The following GDF11 variants were observed in gnomAD, a reference collection of about 807,000 sequenced individuals.
GDF11 encodes growth/differentiation factor 11.
GDF11 carries 12 observed loss-of-function variants against 34.4 expected under a neutral mutation model. The observed-to-expected ratio is 0.35, with a 90% CI of 0.22 to 0.57. The LOEUF (loss-of-function observed/expected upper bound fraction) is 0.57, where lower values mean the gene tolerates loss of function less well. Among genes scored for constraint, GDF11 ranks in the 20% least tolerant of loss-of-function variants. The pLI, the probability that GDF11 is intolerant of heterozygous loss-of-function variation, is 0.86. For missense variants in GDF11, 346 were observed against 548.2 expected (o/e 0.63, Z 3.68); for synonymous variants, 212 against 231.1 (o/e 0.92, Z 0.75).
rs766734850 is a variant in GDF11, at chr12:55,753,134, GACA to G, written c.*3257_*3259del. The G allele has an allele frequency of 4.6e-5, 7 of 152,176 alleles. No homozygotes were observed. Among genetic ancestry groups the G allele is most frequent in the South Asian group, 2.1e-4 (1 of 4,826 alleles). The allele number at this position is 152,176 out of a possible 1,614,324, so 9.4% of individuals were successfully genotyped here. On this transcript the variant is annotated 3_prime_UTR_variant, in exon 3 of 3. Coordinates refer to ENST00000257868, the MANE Select transcript of GDF11 (RefSeq NM_005811.5). ...AAGCTTGAGCCAAAACAGTCCCAAA[GACA>G]ACAAGACCCCTCTCCCAGCCTCCAC... is the stretch of plus-strand genomic sequence containing the variant.
In GDF11 at chr12:55,753,785, A is replaced by C. The variant is rs901065572; in HGVS notation, c.*3903A>C. The C allele has an allele frequency of 6.6e-6, 1 of 151,114 alleles. No individual in the cohort carries two copies. Among genetic ancestry groups the C allele is most frequent in the African/African-American group, 2.4e-5 (1 of 41,034 alleles). The allele number at this position is 151,114 out of a possible 1,614,324, so 9.4% of individuals were successfully genotyped here. ...CTCCCATCTCCAAAAAAAAAAAAAA[A>C]AAAAAAAAAAGGAAAGCAGGACCCA... On this transcript the variant is annotated 3_prime_UTR_variant, in exon 3 of 3. Coordinates refer to ENST00000257868, the MANE Select transcript of GDF11 (RefSeq NM_005811.5).
At position 55,753,825 on chromosome 12, in the gene GDF11, T is replaced by C. The variant is rs1878417520; in HGVS notation, c.*3943T>C. 2 of 149,608 alleles carry C rather than the reference T, an allele frequency of 1.3e-5. No homozygotes were observed. The highest frequency in any genetic ancestry group is 3.0e-5 in the Non-Finnish European group (2 of 67,786). The allele number at this position is 149,608 out of a possible 1,614,324, so 9.3% of individuals were successfully genotyped here. On this transcript the variant is annotated 3_prime_UTR_variant, in exon 3 of 3. Transcript: ENST00000257868. ...AGCAGGACCCAGTGGTGTGCTCCTG[T>C]AGTTCCAGCTATTCAGGAGGCTGTG...
rs532326811 is a variant in GDF11, at chr12:55,743,448, G to T, written c.132G>T (p.Gly44=). 15 of 1,254,386 alleles carry T rather than the reference G, an allele frequency of 1.2e-5. No homozygotes were observed. Among genetic ancestry groups the T allele is most frequent in the African/African-American group, 1.6e-5 (1 of 64,202 alleles). The allele number at this position is 1,254,386 out of a possible 1,614,324, so 77.7% of individuals were successfully genotyped here. Residue 44 remains glycine, a synonymous_variant, in exon 1 of 3, where the codon GGG becomes GGT. Coordinates refer to ENST00000257868, the MANE Select transcript of GDF11 (RefSeq NM_005811.5). The part of the protein sequence containing the change: ...AAAAAAAAGV[G]GERSSRPAPS... ...CGGCGGCGGCAGCGGCGGGGGTCGG[G>T]GGGGAGCGCTCCAGCCGGCCAGCCC...
At position 55,751,892 on chromosome 12, in the gene GDF11, C is replaced by T. The variant is rs1378701537; in HGVS notation, c.*2010C>T. 1 of 152,280 alleles carries T rather than the reference C, an allele frequency of 6.6e-6. No homozygotes were observed. The highest frequency in any genetic ancestry group is 6.5e-5 in the Admixed American group (1 of 15,294). The allele number at this position is 152,280 out of a possible 1,614,324, so 9.4% of individuals were successfully genotyped here. A position where few individuals can be genotyped will look rare whatever the true frequency, so the allele number is the denominator to read the frequency against. On this transcript the variant is annotated 3_prime_UTR_variant, in exon 3 of 3. Transcript: ENST00000257868. ...ATTCTTCCCAAGAGCATGACTCTCC[C>T]CCTTGGCCAGTTGGTGGAAGGGGCA...
At position 55,750,812 on chromosome 12, in the gene GDF11, G is replaced by A. The variant is rs1224104305; in HGVS notation, c.*930G>A. 1 of 152,126 alleles carries A rather than the reference G, an allele frequency of 6.6e-6. No individual in the cohort carries two copies. Among genetic ancestry groups the A allele is most frequent in the Non-Finnish European group, 1.5e-5 (1 of 68,038 alleles). The allele number at this position is 152,126 out of a possible 1,614,324, so 9.4% of individuals were successfully genotyped here. A position where few individuals can be genotyped will look rare whatever the true frequency, so the allele number is the denominator to read the frequency against. ...AACATCCAGGATCTATATAATGAGA[G>A]CTACTTTAAACCCTCAGGTCCACCC... On this transcript the variant is annotated 3_prime_UTR_variant, in exon 3 of 3. Transcript: ENST00000257868.
In GDF11 at chr12:55,753,770, C is replaced by CAAAAAAAAA. The variant is rs35350773; in HGVS notation, c.*3905_*3913dup. On this transcript the variant is annotated 3_prime_UTR_variant, in exon 3 of 3. Transcript: ENST00000257868. ...GGTGACAGAGTGAGACTCCCATCTC[C>CAAAAAAAAA]AAAAAAAAAAAAAAAAAAAAAAAAA... The CAAAAAAAAA allele has an allele frequency of 3.9e-5, 2 of 51,098 alleles. No individual in the cohort carries two copies. The highest frequency in any genetic ancestry group is 8.6e-5 in the African/African-American group (1 of 11,660). 3.2% of individuals were successfully genotyped at this position (51,098 alleles called of 1,614,324 possible). A position where few individuals can be genotyped will look rare whatever the true frequency, so the allele number is the denominator to read the frequency against.
In GDF11 at chr12:55,748,819, G is replaced by C; in HGVS notation, c.679G>C (p.Glu227Gln). ...RHIRIRSLKI[E>Q]LHSRSGHWQS... is the part of the protein sequence containing the mutation. The stretch of plus-strand genomic sequence containing the variant: ...CATCCGTATCCGCTCACTGAAGATT[G>C]AGCTGCACTCACGCTCAGGCCATTG... The change falls in exon 2 of 3, where the codon GAG (glutamate) becomes CAG (glutamine). Residue 227 changes from glutamate to glutamine, a missense_variant. Coordinates refer to ENST00000257868, the MANE Select transcript of GDF11 (RefSeq NM_005811.5). The surrounding 1 kb of genome is among the most constrained non-coding windows in gnomAD (Gnocchi z 5.6). 3 of 1,614,122 alleles carry C rather than the reference G, an allele frequency of 1.9e-6. No homozygotes were observed. The highest frequency in any genetic ancestry group is 2.5e-6 in the Non-Finnish European group (3 of 1,180,042).
chr12:55,746,428 A>G (rs1023593061), intron 1 of GDF11, among the ~76,000 whole-genome samples: 11 of 152,078 alleles, frequency 7.2e-5, no homozygotes, highest in Admixed American at 1.3e-4. Context: ...TTCTCTCCCT[A>G]TATCTACTAA....
At position 55,757,263 on chromosome 12, in the gene GDF11, C is replaced by CTT; in HGVS notation, c.*7381_*7382insTT. 2.8e-6 allele frequency: 1 copy of CTT among 351,528 alleles called. No homozygotes were observed. The highest frequency in any genetic ancestry group is 4.9e-5 in the East Asian group (1 of 20,312). The allele number at this position is 351,528 out of a possible 1,614,324, so 21.8% of individuals were successfully genotyped here. On this transcript the variant is annotated 3_prime_UTR_variant, in exon 3 of 3. Coordinates refer to ENST00000257868, the MANE Select transcript of GDF11 (RefSeq NM_005811.5). ...TAAATCAAAGGAGCACCTAATAAAACACATTGTTCTCTTTTCTATTTTTTT... is the reference window on the plus strand; with the variant it reads ...TAAATCAAAGGAGCACCTAATAAAACTTACATTGTTCTCTTTTCTATTTTTTT...
In GDF11 at chr12:55,748,956, C is replaced by G; in HGVS notation, c.816C>G (p.Thr272=). 1.2e-6 allele frequency: 2 copies of G among 1,600,318 alleles called. No individual in the cohort carries two copies. The highest frequency in any genetic ancestry group is 1.7e-6 in the Non-Finnish European group (2 of 1,179,534). ...FDPSGTDLAV[T]SLGPGAEGLH... Reference sequence around the variant, plus strand: ...CCAGTGGCACAGACCTGGCTGTCACCTCCCTGGGGCCGGGAGCCGAGGGGC... The same window carrying G: ...CCAGTGGCACAGACCTGGCTGTCACGTCCCTGGGGCCGGGAGCCGAGGGGC... Residue 272 remains threonine, a synonymous_variant, in exon 2 of 3, where the codon ACC becomes ACG. Transcript: ENST00000257868. The surrounding 1 kb of genome is among the most constrained non-coding windows in gnomAD (Gnocchi z 5.6).
At position 55,750,371 on chromosome 12, in the gene GDF11, A is replaced by T. The variant is rs1469531169; in HGVS notation, c.*489A>T. 6.5e-6 allele frequency: 1 copy of T among 153,670 alleles called. No individual in the cohort carries two copies. Among genetic ancestry groups the T allele is most frequent in the East Asian group, 1.9e-4 (1 of 5,234 alleles). The allele number at this position is 153,670 out of a possible 1,614,324, so 9.5% of individuals were successfully genotyped here. A position where few individuals can be genotyped will look rare whatever the true frequency, so the allele number is the denominator to read the frequency against. ...TATTCAGTAGGAGAAGAAATCAAAA[A>T]TCCATTCTTTTCTCCTTCTCTCCCT... On this transcript the variant is annotated 3_prime_UTR_variant, in exon 3 of 3. Transcript: ENST00000257868.
At position 55,743,632 on chromosome 12, in the gene GDF11, A is replaced by G; in HGVS notation, c.316A>G (p.Lys106Glu). 1.9e-6 allele frequency: 3 copies of G among 1,604,670 alleles called. No individual in the cohort carries two copies. Among genetic ancestry groups the G allele is most frequent in the Non-Finnish European group, 2.5e-6 (3 of 1,179,710 alleles). ...SREVVKQLLP[K>E]APPLQQILDL... ...CGAGGTGGTGAAGCAGCTGCTGCCC[A>G]AGGCGCCGCCGCTGCAGCAGATCCT... The change falls in exon 1 of 3, where the codon AAG (lysine) becomes GAG (glutamate). Residue 106 changes from lysine (K) to glutamate (E), a missense_variant. Coordinates refer to ENST00000257868, the MANE Select transcript of GDF11 (RefSeq NM_005811.5).
rs1013454836 is a variant in GDF11 at position 55,755,836 on chromosome 12, T to C, written c.*5954T>C. ...CAAATTGGAAAACACTGTTCAAAGATCTAGGGGAAGTAAGATGAGTGAGGA... is the reference window on the plus strand; with the variant it reads ...CAAATTGGAAAACACTGTTCAAAGACCTAGGGGAAGTAAGATGAGTGAGGA... On this transcript the variant is annotated 3_prime_UTR_variant, in exon 3 of 3. Coordinates refer to ENST00000257868, the MANE Select transcript of GDF11 (RefSeq NM_005811.5). 6.6e-6 allele frequency: 1 copy of C among 151,168 alleles called. No homozygotes were observed. Among genetic ancestry groups the C allele is most frequent in the African/African-American group, 2.4e-5 (1 of 41,172 alleles). The allele number at this position is 151,168 out of a possible 1,614,324, so 9.4% of individuals were successfully genotyped here.
chr12:55,747,751 G>T (rs1878214895), intron 1 of GDF11, among the ~76,000 whole-genome samples: 1 of 152,214 alleles, frequency 6.6e-6, no homozygotes, highest in African/African-American at 2.4e-5. Context: ...AGACCTACTG[G>T]CACTAGACTG....
In GDF11 at chr12:55,754,161, A is replaced by G. The variant is rs1045144253; in HGVS notation, c.*4279A>G. The G allele has an allele frequency of 3.3e-5, 5 of 152,132 alleles. No homozygotes were observed. The highest frequency in any genetic ancestry group is 7.3e-5 in the Non-Finnish European group (5 of 68,028). The allele number at this position is 152,132 out of a possible 1,614,324, so 9.4% of individuals were successfully genotyped here. A position where few individuals can be genotyped will look rare whatever the true frequency, so the allele number is the denominator to read the frequency against. ...GAGTAGCAGAAGTGTTATGTATTCTATCTTCCCAAGGGAACCATATCCACA... is the reference window on the plus strand; with the variant it reads ...GAGTAGCAGAAGTGTTATGTATTCTGTCTTCCCAAGGGAACCATATCCACA... On this transcript the variant is annotated 3_prime_UTR_variant, in exon 3 of 3. Transcript: ENST00000257868.
In GDF11 at chr12:55,749,984, A is replaced by ACATCACACCGTTC. The variant is rs1172982390; in HGVS notation, c.*104_*116dup. On this transcript the variant is annotated 3_prime_UTR_variant, in exon 3 of 3. Coordinates refer to ENST00000257868, the MANE Select transcript of GDF11 (RefSeq NM_005811.5). This position sits in a 1 kb window ranked among gnomAD's most constrained non-coding sequence, Gnocchi z 5.6. ...AGAGCTCCCTCCACTCTTCCCGCGAACATCACACCGTTCCCCGACCAAGCC... is the reference window on the plus strand; with the variant it reads ...AGAGCTCCCTCCACTCTTCCCGCGAACATCACACCGTTCCATCACACCGTTCCCCGACCAAGCC... 1.0e-6 allele frequency: 1 copy of ACATCACACCGTTC among 1,000,218 alleles called. No individual in the cohort carries two copies. The highest frequency in any genetic ancestry group is 2.4e-5 in the East Asian group (1 of 41,406). The allele number at this position is 1,000,218 out of a possible 1,614,324, so 62.0% of individuals were successfully genotyped here. A position where few individuals can be genotyped will look rare whatever the true frequency, so the allele number is the denominator to read the frequency against.
rs1878108530 is a variant in GDF11, at chr12:55,743,463, C to T, written c.147C>T (p.Ser49=). The T allele has an allele frequency of 1.5e-6, 2 of 1,316,628 alleles. No individual in the cohort carries two copies. The highest frequency in any genetic ancestry group is 1.5e-5 in the African/African-American group (1 of 66,238). The allele number at this position is 1,316,628 out of a possible 1,614,324, so 81.6% of individuals were successfully genotyped here. A position where few individuals can be genotyped will look rare whatever the true frequency, so the allele number is the denominator to read the frequency against. The change falls in exon 1 of 3, where the codon AGC becomes AGT. Residue 49 remains serine, a synonymous_variant. Coordinates refer to ENST00000257868, the MANE Select transcript of GDF11 (RefSeq NM_005811.5). ...AAAGVGGERS[S]RPAPSVAPEP... The stretch of plus-strand genomic sequence containing the variant: ...CGGGGGTCGGGGGGGAGCGCTCCAG[C>T]CGGCCAGCCCCGTCCGTGGCGCCCG...
rs1264412153 is a variant in GDF11, at chr12:55,752,967, G to A, written c.*3085G>A. The A allele has an allele frequency of 6.6e-6, 1 of 152,260 alleles. No homozygotes were observed. The highest frequency in any genetic ancestry group is 1.5e-5 in the Non-Finnish European group (1 of 68,068). 9.4% of individuals were successfully genotyped at this position (152,260 alleles called of 1,614,324 possible). A position where few individuals can be genotyped will look rare whatever the true frequency, so the allele number is the denominator to read the frequency against. On this transcript the variant is annotated 3_prime_UTR_variant, in exon 3 of 3. Transcript: ENST00000257868. ...GAGGATCTGAGACAGGAAACCTCGT[G>A]TTCAATGACTAAGAAGATGGGGTCC...
In GDF11 at chr12:55,753,505, T is replaced by TA. The variant is rs1309251850; in HGVS notation, c.*3624dup. 1.3e-5 allele frequency: 2 copies of TA among 152,046 alleles called. No homozygotes were observed. The highest frequency in any genetic ancestry group is 2.4e-5 in the African/African-American group (1 of 41,384). The allele number at this position is 152,046 out of a possible 1,614,324, so 9.4% of individuals were successfully genotyped here. On this transcript the variant is annotated 3_prime_UTR_variant, in exon 3 of 3. Transcript: ENST00000257868. ...GGAAAGCTGGCTGGGCGCAGTGGCT[T>TA]ACATCTGTAATCCCAGCACTTTGGG...
Sources: gnomAD v4.1 joint callset for allele counts (sites outside exome capture counted in the v4.1 genomes callset) on GRCh38, gnomAD v4.1.1 for gene constraint, Gnocchi (gnomAD v3.1) non-coding constraint, MANE v1.5 for transcripts, NCBI Gene and HGNC (gene_info 2026-07-23, HGNC 2026-07-21) for gene names.